Variants in KALRN observed in about 807,000 individuals in gnomAD.
KALRN encodes kalirin RhoGEF kinase.
KALRN carries 70 observed loss-of-function variants against 353.7 expected under a neutral mutation model. That is an observed-to-expected ratio of 0.20 (90% confidence interval 0.16 to 0.24). The LOEUF (loss-of-function observed/expected upper bound fraction) is 0.24. Ranked by LOEUF, KALRN falls within the 10% of genes least tolerant of loss-of-function variation. KALRN has a pLI of 1.00. For synonymous variants in KALRN, 1,391 were observed against 1,434.8 expected, an observed-to-expected ratio of 0.97 and a Z score of 0.69; for missense variants, 2,791 against 3,756.7, an observed-to-expected ratio of 0.74 and a Z score of 6.72.
At chr3:124,648,372 G>T (rs1239489315) in intron 37 of KALRN, among the ~76,000 whole-genome samples, 1 of 152,226 alleles carries the variant, frequency 6.6e-6, no homozygotes, top group Non-Finnish European at 1.5e-5. Context: ...GGAGATGGAA[G>T]TATTTCCCCA....
At chr3:124,386,589 C>T (rs767592018) in intron 11 of KALRN, among the ~76,000 whole-genome samples, 2 of 152,166 alleles carry the variant, frequency 1.3e-5, no homozygotes, top group Non-Finnish European at 2.9e-5. Flanking sequence ...GTGCAAGTCA[C>T]TATGTCCCTG....
intron 6 of KALRN, among the ~76,000 whole-genome samples, chr3:124,309,077 C>A (rs2077990618): frequency 6.6e-6 from 1 of 151,976 alleles, no homozygotes; most frequent in Non-Finnish European, 1.5e-5. Flanking sequence ...AAGGTAGTAA[C>A]AACTGATACT....
chr3:124,534,650 G>A (rs2068357394), intron 33 of KALRN, among the ~76,000 whole-genome samples: 1 of 152,162 alleles, frequency 6.6e-6, no homozygotes, highest in Non-Finnish European at 1.5e-5. Flanking sequence ...GAAGTCTAGT[G>A]GGGTGATCAA....
intron 1 of KALRN, among the ~76,000 whole-genome samples, chr3:124,106,384 G>A (rs1559964201): frequency 6.6e-6 from 1 of 152,126 alleles, no homozygotes; most frequent in African/African-American, 2.4e-5. Context: ...TCAAACCTCC[G>A]ATGACCCTGT....
intron 11 of KALRN, among the ~76,000 whole-genome samples, chr3:124,390,483 A>T (rs183207056): frequency 8.9e-4 from 135 of 152,332 alleles, no homozygotes; most frequent in Admixed American, 1.6e-3. Flanking sequence ...CAACTCTGGA[A>T]CCAAAACTAA....
chr3:124,665,005 C>T (rs765256000), intron 45 of KALRN, among the ~76,000 whole-genome samples: 2 of 152,098 alleles, frequency 1.3e-5, no homozygotes, highest in Non-Finnish European at 2.9e-5. Flanking sequence ...AACTTTAGAC[C>T]ACAGTAGAGA....
At chr3:124,565,176 G>A (rs1292100133) in intron 34 of KALRN, among the ~76,000 whole-genome samples, 1 of 152,178 alleles carries the variant, frequency 6.6e-6, no homozygotes, top group African/African-American at 2.4e-5. Context: ...GCCTTCCAGG[G>A]TTTTTTCCAC....
intron 11 of KALRN, among the ~76,000 whole-genome samples, chr3:124,391,196 T>A (rs756904093): frequency 8.0e-5 from 12 of 149,516 alleles, no homozygotes; most frequent in Middle Eastern, 6.9e-3. Context: ...GGTCATAGTA[T>A]ACATATATTT....
At chr3:124,439,519 GT>G (rs751035486) in intron 18 of KALRN, among the ~76,000 whole-genome samples, 1 of 151,958 alleles carries the variant, frequency 6.6e-6, no homozygotes, top group Non-Finnish European at 1.5e-5. Flanking sequence ...TTTTTTGATA[GT>G]AATATCAAAA....
At position 124,725,574 on chromosome 3, in the gene KALRN, T is replaced by C. The variant is rs556378169; in HGVS notation, c.*6104T>C. The stretch of plus-strand genomic sequence containing the variant: ...AGCCCAGGTGGGTCAATGTTTCTAA[T>C]GGAAAACCATTTAGGGCCATTCAAA... On this transcript the variant is annotated 3_prime_UTR_variant, in exon 60 of 60. Transcript: ENST00000682506. 2 of 152,350 alleles carry C rather than the reference T, an allele frequency of 1.3e-5. No individual in the cohort carries two copies. Among genetic ancestry groups the C allele is most frequent in the East Asian group, 3.9e-4 (2 of 5,192 alleles). 9.4% of individuals were successfully genotyped at this position (152,350 alleles called of 1,614,324 possible).
intron 37 of KALRN, among the ~76,000 whole-genome samples, chr3:124,641,224 A>ACCCAC (rs1477543534): frequency 5.3e-5 from 8 of 151,996 alleles, no homozygotes; most frequent in African/African-American, 1.7e-4. Flanking sequence ...AAGAGTCACC[A>ACCCAC]CCCACCCATG....
chr3:124,082,107 G>A (rs944696728), intron 1 of KALRN: 1 of 376,430 alleles, frequency 2.7e-6, no homozygotes, highest in Admixed American at 3.5e-5. Flanking sequence ...CATGGAGGCA[G>A]TGTAGCTGTC....
chr3:124,057,848 G>C (rs2041690815), intron 1 of KALRN, among the ~76,000 whole-genome samples: 2 of 152,128 alleles, frequency 1.3e-5, no homozygotes, highest in South Asian at 4.2e-4. Flanking sequence ...TCAACTTGAG[G>C]GGTCAAACTA....
At chr3:124,166,957 A>C (rs2070960444) in intron 1 of KALRN, among the ~76,000 whole-genome samples, 1 of 152,138 alleles carries the variant, frequency 6.6e-6, no homozygotes, top group South Asian at 2.1e-4. Flanking sequence ...AGACAGGAGA[A>C]TCATTTGAAT....
At chr3:124,701,349 G>A (rs566531052) in intron 56 of KALRN, among the ~76,000 whole-genome samples, 8 of 151,982 alleles carry the variant, frequency 5.3e-5, no homozygotes, top group Admixed American at 2.0e-4. Context: ...TGAGAAGAGC[G>A]GGATAAGAAG....
chr3:124,710,838 T>C (rs1314826180), intron 57 of KALRN, among the ~76,000 whole-genome samples: 1 of 152,180 alleles, frequency 6.6e-6, no homozygotes, highest in Non-Finnish European at 1.5e-5. Flanking sequence ...GTAAAGATAG[T>C]TGACTTTTTA....
At chr3:124,717,837 A>C (rs1240821873) in intron 59 of KALRN, among the ~76,000 whole-genome samples, 3 of 151,958 alleles carry the variant, frequency 2.0e-5, no homozygotes, top group Admixed American at 6.6e-5. Context: ...TTTGAGACAG[A>C]GTCTGACTCT....
At chr3:124,251,518 C>T (rs911255186) in intron 3 of KALRN, among the ~76,000 whole-genome samples, 18 of 152,002 alleles carry the variant, frequency 1.2e-4, no homozygotes, top group South Asian at 2.1e-4. Context: ...TACAGGCATG[C>T]GCCACCTTGC....
At chr3:124,599,845 A>G (rs1416443193) in intron 34 of KALRN, among the ~76,000 whole-genome samples, 5 of 152,124 alleles carry the variant, frequency 3.3e-5, no homozygotes, top group Non-Finnish European at 7.4e-5. Flanking sequence ...CCCTTTCCCA[A>G]TTTAACTTAC....
Sources: gnomAD v4.1 joint callset for allele counts (sites outside exome capture counted in the v4.1 genomes callset) on GRCh38, gnomAD v4.1.1 for gene constraint, MANE v1.5 for transcripts, NCBI Gene and HGNC (gene_info 2026-07-23, HGNC 2026-07-21) for gene names.